Variants in GPC5 observed in about 807,000 individuals in gnomAD.
GPC5 encodes glypican-5.
Under a neutral mutation model 53.9 loss-of-function variants are expected in GPC5, and 47 were observed. The ratio of observed to expected loss-of-function variants is 0.87; its 90% CI spans 0.69 to 1.11. GPC5 has a LOEUF of 1.11. GPC5 is among the 50% of genes most tolerant of loss of function. The pLI is 0.00. For synonymous variants in GPC5, 286 were observed against 263.3 expected (o/e 1.09, Z -0.84); for missense variants, 748 against 713.1 (o/e 1.05, Z -0.56).
At chr13:92,626,680 G>A (rs1362633077) in intron 7 of GPC5, among the ~76,000 whole-genome samples, 1 of 152,122 alleles carries the variant, frequency 6.6e-6, no homozygotes, top group African/African-American at 2.4e-5. Context: ...GCCCAGCTTA[G>A]ACAAGAACTT....
intron 2 of GPC5, among the ~76,000 whole-genome samples, chr13:91,497,762 T>C (rs1294227608): frequency 6.6e-6 from 1 of 152,136 alleles, no homozygotes; most frequent in Non-Finnish European, 1.5e-5. Context: ...CTAAATTCAA[T>C]CTGTTTATTG....
At chr13:92,462,117 G>A (rs1377610917) in intron 7 of GPC5, among the ~76,000 whole-genome samples, 1 of 152,178 alleles carries the variant, frequency 6.6e-6, no homozygotes, top group Admixed American at 6.5e-5. Context: ...GGAAAAGTGG[G>A]CATTTAATCA....
intron 7 of GPC5, among the ~76,000 whole-genome samples, chr13:92,662,001 C>T (rs1003524791): frequency 1.3e-5 from 2 of 152,140 alleles, no homozygotes; most frequent in African/African-American, 4.8e-5. Context: ...AATGCTAAAT[C>T]TTACATCCAT....
intron 2 of GPC5, among the ~76,000 whole-genome samples, chr13:91,636,402 G>A (rs563855087): frequency 9.9e-5 from 15 of 152,052 alleles, no homozygotes; most frequent in African/African-American, 3.6e-4. Context: ...TACATTATGT[G>A]TGTGTGTATA....
At chr13:92,087,482 T>TA (rs1442240160) in intron 6 of GPC5, among the ~76,000 whole-genome samples, 1 of 152,170 alleles carries the variant, frequency 6.6e-6, no homozygotes, top group African/African-American at 2.4e-5. Flanking sequence ...TTCAAAAAAA[T>TA]ACCAAATTTT....
intron 3 of GPC5, among the ~76,000 whole-genome samples, chr13:91,713,178 G>C (rs927068929): frequency 1.2e-4 from 19 of 152,188 alleles, no homozygotes; most frequent in African/African-American, 4.6e-4. Context: ...GTGATAGAGA[G>C]AGACTCTGTC....
intron 4 of GPC5, among the ~76,000 whole-genome samples, chr13:91,748,230 GT>G (rs764425871): frequency 2.6e-5 from 4 of 152,150 alleles, no homozygotes; most frequent in Non-Finnish European, 5.9e-5. Context: ...AAATATTAAT[GT>G]GTCACTACAT....
At chr13:92,225,673 A>G (rs897779629) in intron 7 of GPC5, among the ~76,000 whole-genome samples, 3 of 152,204 alleles carry the variant, frequency 2.0e-5, no homozygotes. Context: ...TTATTTTTCA[A>G]ATATATATGC....
intron 3 of GPC5, among the ~76,000 whole-genome samples, chr13:91,719,145 T>C (rs1315445270): frequency 6.6e-6 from 1 of 152,194 alleles, no homozygotes; most frequent in Non-Finnish European, 1.5e-5. Flanking sequence ...TTTGCAAATG[T>C]CAAAGGATGG....
At chr13:91,569,748 C>A (rs990732748) in intron 2 of GPC5, among the ~76,000 whole-genome samples, 7 of 152,026 alleles carry the variant, frequency 4.6e-5, no homozygotes, top group Non-Finnish European at 7.4e-5. Context: ...TGGATTAGTG[C>A]CTTGTAAAAT....
chr13:92,150,481 T>C (rs962883529), intron 7 of GPC5, among the ~76,000 whole-genome samples: 1 of 152,084 alleles, frequency 6.6e-6, no homozygotes, highest in Non-Finnish European at 1.5e-5. Flanking sequence ...ATTTCCATTT[T>C]GGTTTCTAAA....
intron 7 of GPC5, among the ~76,000 whole-genome samples, chr13:92,146,654 T>C (rs1472034237): frequency 6.6e-6 from 1 of 152,096 alleles, no homozygotes; most frequent in African/African-American, 2.4e-5. Flanking sequence ...CTTTTTTCTG[T>C]CACCCTCCTC....
At chr13:92,527,793 C>T (rs769409643) in intron 7 of GPC5, among the ~76,000 whole-genome samples, 5 of 151,942 alleles carry the variant, frequency 3.3e-5, no homozygotes, top group Non-Finnish European at 7.4e-5. Context: ...AACTTTGATT[C>T]ATTAGGTTTA....
At chr13:91,813,377 GC>G (rs1278782390) in intron 5 of GPC5, among the ~76,000 whole-genome samples, 1 of 152,200 alleles carries the variant, frequency 6.6e-6, no homozygotes, top group East Asian at 1.9e-4. Context: ...TTGACTAGCT[GC>G]CAAGATTTCG....
chr13:91,755,298 G>T (rs990033509), intron 4 of GPC5, among the ~76,000 whole-genome samples: 1 of 152,016 alleles, frequency 6.6e-6, no homozygotes, highest in South Asian at 2.1e-4. Flanking sequence ...CTTAATGAGG[G>T]TGACATTTCA....
chr13:92,347,315 C>A (rs931038847), intron 7 of GPC5, among the ~76,000 whole-genome samples: 3 of 152,222 alleles, frequency 2.0e-5, no homozygotes, highest in Admixed American at 2.0e-4. Context: ...TCATCACATA[C>A]AAAGAAGTGT....
intron 7 of GPC5, among the ~76,000 whole-genome samples, chr13:92,680,323 T>C (rs1407223407): frequency 6.6e-6 from 1 of 152,208 alleles, no homozygotes; most frequent in Non-Finnish European, 1.5e-5. Context: ...TTCAACTCTT[T>C]TCAACAAAAA....
chr13:91,490,245 G>A (rs935969372), intron 2 of GPC5, among the ~76,000 whole-genome samples: 7 of 152,162 alleles, frequency 4.6e-5, no homozygotes, highest in African/African-American at 1.4e-4. Context: ...GTGAATTTGA[G>A]TGAGATACAG....
chr13:92,149,578 A>C (rs2041892593), intron 7 of GPC5, among the ~76,000 whole-genome samples: 1 of 152,050 alleles, frequency 6.6e-6, no homozygotes, highest in Non-Finnish European at 1.5e-5. Flanking sequence ...ACTAAGAATG[A>C]CCTAGGAAAG....
Sources: allele counts gnomAD v4.1 joint callset (sites outside exome capture counted in the v4.1 genomes callset), GRCh38; gene constraint gnomAD v4.1.1; transcripts MANE v1.5; gene names NCBI Gene and HGNC (gene_info 2026-07-23, HGNC 2026-07-21).